The following FER1L6 variants were observed in gnomAD, a reference collection of about 807,000 sequenced individuals.
FER1L6 encodes fer-1 like family member 6, also known as fer-1-like protein 6.
A neutral mutation model predicts 219.2 loss-of-function variants in FER1L6; 177 were observed. The ratio of observed to expected loss-of-function variants is 0.81; its 90% CI spans 0.71 to 0.91. The LOEUF is 0.91. Among genes scored for constraint, FER1L6 ranks in the 40% least tolerant of loss-of-function variants. The probability of loss-of-function intolerance (pLI) is 0.00; values close to 1 mark genes in which losing one functional copy is unlikely to be tolerated. For missense variants in FER1L6, 2,153 were observed against 2,259.9 expected (o/e 0.95, Z 0.96); for synonymous variants, 768 against 824.3 (o/e 0.93, Z 1.17).
chr8:124,004,115 C>CAAAAAAAAAAAAAAAAAAAAAAAAAA (rs80310802), intron 13 of FER1L6: 1 of 78,490 alleles, frequency 1.3e-5, no homozygotes, highest in Non-Finnish European at 2.5e-5. Context: ...CTGAAAGACT[C>CAAAAAAAAAAAAAAAAAAAAAAAAAA]AAAAAAAAAA....
chr8:123,917,451 A>G (rs1402273543), intron 1 of FER1L6, among the ~76,000 whole-genome samples: 2 of 152,238 alleles, frequency 1.3e-5, no homozygotes, highest in African/African-American at 4.8e-5. Flanking sequence ...TCCGCACTTC[A>G]GGTATTCATG....
intron 31 of FER1L6, among the ~76,000 whole-genome samples, chr8:124,074,400 G>A (rs542428711): frequency 6.6e-6 from 1 of 152,276 alleles, no homozygotes; most frequent in African/African-American, 2.4e-5. Context: ...GCTCATGCCT[G>A]TAATCCCAGC....
chr8:123,986,770 T>G lies in FER1L6; in HGVS notation c.1519+594T>G, dbSNP rs187107716. Among the ~76,000 whole-genome samples, 12 of 152,320 alleles carry G rather than the reference T, an allele frequency of 7.9e-5. No homozygotes were observed. The East Asian group carries it at 2.3e-3, about 29-fold the overall frequency. ...CCAGATAAGTGAGAACATGTGAAGT[T>G]TGTCTTTCTGTGCCTGGCTCGTTTC... On this transcript the variant is annotated intron_variant, in intron 12 of 40. Coordinates refer to ENST00000522917, the MANE Select transcript of FER1L6 (RefSeq NM_001039112.2).
chr8:123,878,499 T>C (rs1285285353), intron 1 of FER1L6, among the ~76,000 whole-genome samples: 2 of 152,202 alleles, frequency 1.3e-5, no homozygotes, highest in Non-Finnish European at 2.9e-5. Flanking sequence ...TTCTGACTTT[T>C]GTCGCTTCTA....
chr8:123,864,936 G>A (rs1816806549), intron 1 of FER1L6, among the ~76,000 whole-genome samples: 1 of 150,910 alleles, frequency 6.6e-6, no homozygotes, highest in Non-Finnish European at 1.5e-5. Flanking sequence ...ATGTCCTCCT[G>A]TAGCTCAGAG....
intron 33 of FER1L6, among the ~76,000 whole-genome samples, chr8:124,090,732 A>G (rs1166758221): frequency 2.0e-5 from 3 of 152,330 alleles, no homozygotes; most frequent in African/African-American, 7.2e-5. Flanking sequence ...CCAAACAGCT[A>G]GTTTTTAAGG....
At chr8:123,980,367 T>C (rs1435405125) in intron 10 of FER1L6, 98 bp from the exon 11 acceptor site, 1 of 989,096 alleles carries the variant, frequency 1.0e-6, no homozygotes, top group South Asian at 1.7e-5. Flanking sequence ...CAATATTTTC[T>C]TTCGTCTTTC....
chr8:124,118,986 G>C (rs1823367369), intron 40 of FER1L6, 42 bp downstream of exon 40: 1 of 1,495,716 alleles, frequency 6.7e-7, no homozygotes, highest in Non-Finnish European at 9.3e-7. Context: ...ATGGGAAGGG[G>C]CCTTTGCAGT....
chr8:123,902,456 C>A (rs1812876659), intron 1 of FER1L6, among the ~76,000 whole-genome samples: 1 of 152,060 alleles, frequency 6.6e-6, no homozygotes, highest in Admixed American at 6.6e-5. Context: ...TTTCTTAGGT[C>A]TATAGTAATT....
chr8:124,114,892 T>C (rs1232940407), intron 39 of FER1L6, among the ~76,000 whole-genome samples: 1 of 99,982 alleles, frequency 1.0e-5, no homozygotes, highest in Non-Finnish European at 2.0e-5. Context: ...AGTGTGTGTG[T>C]GCGTATATAT....
At chr8:124,023,900 GTT>G (rs36091040) in intron 18 of FER1L6, among the ~76,000 whole-genome samples, 42 of 135,142 alleles carry the variant, frequency 3.1e-4, no homozygotes, top group Admixed American at 2.9e-4. Flanking sequence ...GAACCTTAAG[GTT>G]TTTTTTTTTT....
intron 1 of FER1L6, among the ~76,000 whole-genome samples, chr8:123,896,993 A>T (rs368761078): frequency 1.2e-4 from 19 of 152,310 alleles, no homozygotes; most frequent in African/African-American, 4.6e-4. Context: ...GGAGGTGGGC[A>T]TCTCTTTCTA....
chr8:123,912,506 A>G (rs567143317), intron 1 of FER1L6, among the ~76,000 whole-genome samples: 19 of 151,930 alleles, frequency 1.3e-4, no homozygotes, highest in African/African-American at 4.6e-4. Context: ...ATTCACAGAT[A>G]TAATTCATTA....
At chr8:123,864,171 GC>G (rs202136892) in intron 1 of FER1L6, among the ~76,000 whole-genome samples, 5,121 of 150,152 alleles carry the variant, frequency 0.034, 556 homozygotes, top group African/African-American at 0.12. Flanking sequence ...TTTAGGGCAG[GC>G]CTGGTGGTGA....
chr8:124,065,476 A>G (rs1479025065), intron 26 of FER1L6, among the ~76,000 whole-genome samples: 1 of 152,054 alleles, frequency 6.6e-6, no homozygotes, highest in African/African-American at 2.4e-5. Context: ...GATAAAAAGA[A>G]GAGTGGAAAA....
intron 39 of FER1L6, among the ~76,000 whole-genome samples, chr8:124,107,305 T>G (rs1210331956): frequency 1.3e-5 from 2 of 152,184 alleles, no homozygotes; most frequent in South Asian, 4.1e-4. Flanking sequence ...AAGTGCTCAG[T>G]AAATGTTCTT....
intron 5 of FER1L6, among the ~76,000 whole-genome samples, chr8:123,969,229 A>C (rs921324880): frequency 6.6e-5 from 10 of 152,172 alleles, no homozygotes; most frequent in African/African-American, 2.4e-5. Context: ...ACTGGTCTAG[A>C]TAATTTCTCC....
intron 1 of FER1L6, among the ~76,000 whole-genome samples, chr8:123,859,535 T>G (rs1297712508): frequency 6.6e-6 from 1 of 151,214 alleles, no homozygotes; most frequent in African/African-American, 2.4e-5. Flanking sequence ...GTAACCACCT[T>G]TCTGCTCTGT....
intron 1 of FER1L6, among the ~76,000 whole-genome samples, chr8:123,873,952 C>T (rs377626240): frequency 2.2e-4 from 34 of 152,326 alleles, no homozygotes; most frequent in African/African-American, 6.5e-4. Flanking sequence ...CACTACCCCT[C>T]ATGCCACTCA....
Sources: allele counts gnomAD v4.1 joint callset (sites outside exome capture counted in the v4.1 genomes callset), GRCh38; gene constraint gnomAD v4.1.1; transcripts MANE v1.5; gene names NCBI Gene and HGNC (gene_info 2026-07-23, HGNC 2026-07-21).